ROBO2: variants seen among roughly 807,000 people sequenced by gnomAD.
ROBO2 encodes roundabout homolog 2.
ROBO2 carries 53 observed loss-of-function variants against 160.8 expected under a neutral mutation model. That is an observed-to-expected ratio of 0.33 (90% confidence interval 0.26 to 0.41). ROBO2 has a LOEUF of 0.41. Ranked by LOEUF, ROBO2 falls within the 10% of genes least tolerant of loss-of-function variation. The probability of loss-of-function intolerance (pLI) is 1.00; values close to 1 mark genes in which losing one functional copy is unlikely to be tolerated. For missense variants in ROBO2, 1,577 were observed against 1,722.4 expected (o/e 0.92, Z 1.49); for synonymous variants, 664 against 611.7 (o/e 1.09, Z -1.26).
intron 2 of ROBO2, among the ~76,000 whole-genome samples, chr3:77,154,736 A>C (rs1437679912): frequency 6.6e-6 from 1 of 152,038 alleles, no homozygotes; most frequent in Non-Finnish European, 1.5e-5. Flanking sequence ...ATGCAGCTAG[A>C]GGCTTATCTT....
At chr3:76,420,907 C>T (rs1408641547) in intron 2 of ROBO2, among the ~76,000 whole-genome samples, 4 of 152,272 alleles carry the variant, frequency 2.6e-5, no homozygotes, top group African/African-American at 7.2e-5. Flanking sequence ...AAAGCTGTCA[C>T]TGATGAGCAA....
intron 2 of ROBO2, among the ~76,000 whole-genome samples, chr3:76,609,618 GTTAAATCT>G (rs2087929815): frequency 6.6e-6 from 1 of 151,828 alleles, no homozygotes; most frequent in African/African-American, 2.4e-5. Flanking sequence ...TAGGTTTTTG[GTTAAATCT>G]TTGGGTTTTT....
chr3:76,366,387 C>G (rs1184590336), intron 2 of ROBO2, among the ~76,000 whole-genome samples: 1 of 151,942 alleles, frequency 6.6e-6, no homozygotes, highest in Non-Finnish European at 1.5e-5. Flanking sequence ...TTAAATACTT[C>G]AGATTTTTTT....
chr3:76,033,049 TA>T (rs1478307248), intron 2 of ROBO2, among the ~76,000 whole-genome samples: 1 of 151,938 alleles, frequency 6.6e-6, no homozygotes, highest in Non-Finnish European at 1.5e-5. Context: ...TGACTGGCTT[TA>T]AAAGTAAGAA....
intron 2 of ROBO2, among the ~76,000 whole-genome samples, chr3:77,457,287 C>T (rs78392005): frequency 0.021 from 3,259 of 152,158 alleles, 107 homozygotes; most frequent in African/African-American, 0.074. Context: ...TTTGTCTTTT[C>T]CCCTCATTAT....
intron 2 of ROBO2, among the ~76,000 whole-genome samples, chr3:76,368,215 T>C (rs2108456368): frequency 6.6e-6 from 1 of 152,080 alleles, no homozygotes; most frequent in South Asian, 2.1e-4. Context: ...AACATGTATA[T>C]TTAATTAGTT....
intron 2 of ROBO2, among the ~76,000 whole-genome samples, chr3:76,859,001 A>G (rs1240801361): frequency 6.6e-6 from 1 of 152,186 alleles, no homozygotes; most frequent in Non-Finnish European, 1.5e-5. Flanking sequence ...TCATGTTCAG[A>G]TAGAGGAAAA....
intron 2 of ROBO2, among the ~76,000 whole-genome samples, chr3:76,380,045 A>G (rs1453456177): frequency 6.6e-6 from 1 of 152,136 alleles, no homozygotes; most frequent in East Asian, 1.9e-4. Flanking sequence ...ATCACTAAAA[A>G]AAATCATTGA....
chr3:76,555,358 GA>G lies in ROBO2; in HGVS notation c.110-542655del, dbSNP rs796911566. Among the ~76,000 whole-genome samples the G allele has an allele frequency of 3.6e-3, 208 of 57,974 alleles. 7 individuals carry two copies. Among genetic ancestry groups the G allele is most frequent in the African/African-American group, 9.6e-3 (186 of 19,276 alleles). The allele number at this position is 57,974 out of a possible 152,430, so 38.0% of individuals were successfully genotyped here. A position where few individuals can be genotyped will look rare whatever the true frequency, so the allele number is the denominator to read the frequency against. ...AGGAAGAGGAGGAAGAGTAGGAAGA[GA>G]GAAGAAGAAGAAGAAGAAGAAGAAG... On this transcript the variant is annotated intron_variant, in intron 2 of 26. Coordinates refer to the ROBO2 transcript ENST00000487694.
At chr3:77,231,122 T>C (rs1384717572) in intron 2 of ROBO2, among the ~76,000 whole-genome samples, 1 of 152,042 alleles carries the variant, frequency 6.6e-6, no homozygotes, top group Non-Finnish European at 1.5e-5. Flanking sequence ...TCCAGCACTT[T>C]GGGAGGCCGA....
chr3:76,487,281 GA>G (rs1396646859), intron 2 of ROBO2, among the ~76,000 whole-genome samples: 11 of 151,828 alleles, frequency 7.2e-5, no homozygotes, highest in South Asian at 2.1e-4. Context: ...CACCCAGCGA[GA>G]ATCACATATT....
intron 2 of ROBO2, among the ~76,000 whole-genome samples, chr3:77,192,963 A>G (rs2081995887): frequency 6.6e-6 from 1 of 151,906 alleles, no homozygotes; most frequent in Admixed American, 6.6e-5. Flanking sequence ...CCACATTTCC[A>G]TTTTTAATAT....
intron 19 of ROBO2, among the ~76,000 whole-genome samples, chr3:77,598,716 G>A (rs780176931): frequency 2.3e-4 from 35 of 151,910 alleles, no homozygotes; most frequent in African/African-American, 3.4e-4. Context: ...TAAGTGACCC[G>A]ACTGTGAGCA....
At chr3:76,862,850 C>A (rs2148626237) in intron 2 of ROBO2, among the ~76,000 whole-genome samples, 1 of 152,192 alleles carries the variant, frequency 6.6e-6, no homozygotes, top group East Asian at 1.9e-4. Context: ...CCTCTAATAT[C>A]TACTATCTTG....
At chr3:76,942,014 C>A (rs1055555772) in intron 2 of ROBO2, among the ~76,000 whole-genome samples, 9 of 152,090 alleles carry the variant, frequency 5.9e-5, no homozygotes, top group Non-Finnish European at 1.2e-4. Context: ...GTGTGACTTA[C>A]CTATAATAAA....
At chr3:76,646,768 C>T (rs984563460) in intron 2 of ROBO2, among the ~76,000 whole-genome samples, 1 of 151,902 alleles carries the variant, frequency 6.6e-6, no homozygotes. Flanking sequence ...GTCTAAGGCA[C>T]CAAACAGGAT....
intron 2 of ROBO2, among the ~76,000 whole-genome samples, chr3:76,136,492 G>A (rs2071433685): frequency 6.6e-6 from 1 of 152,056 alleles, no homozygotes; most frequent in Non-Finnish European, 1.5e-5. Context: ...CTTGACTTGG[G>A]GAAAGCTTGG....
chr3:76,309,414 A>G (rs1394868660), intron 2 of ROBO2, among the ~76,000 whole-genome samples: 4 of 152,224 alleles, frequency 2.6e-5, no homozygotes, highest in Admixed American at 2.6e-4. Flanking sequence ...TTTCTAAACT[A>G]AGGCACAATG....
intron 2 of ROBO2, among the ~76,000 whole-genome samples, chr3:77,264,984 T>C (rs1302381640): frequency 6.6e-6 from 1 of 152,136 alleles, no homozygotes; most frequent in Non-Finnish European, 1.5e-5. Context: ...AATTAGAAAA[T>C]TTCCTGGATT....
Sources: gnomAD v4.1 joint callset for allele counts (sites outside exome capture counted in the v4.1 genomes callset) on GRCh38, gnomAD v4.1.1 for gene constraint, MANE v1.5 for transcripts, NCBI Gene and HGNC (gene_info 2026-07-23, HGNC 2026-07-21) for gene names.